Variants in ANK2 observed in about 807,000 individuals in gnomAD.
ANK2 encodes ankyrin-2.
A neutral mutation model predicts 360.5 loss-of-function variants in ANK2; 83 were observed. The observed-to-expected ratio is 0.23, with a 90% CI of 0.19 to 0.28. The LOEUF is 0.28. Ranked by LOEUF, ANK2 falls within the 10% of genes least tolerant of loss-of-function variation. The probability of loss-of-function intolerance (pLI) is 1.00; values close to 1 mark genes in which losing one functional copy is unlikely to be tolerated. For synonymous variants in ANK2, 1,740 were observed against 1,759.5 expected, an observed-to-expected ratio of 0.99 and a Z score of 0.28; for missense variants, 4,201 against 4,795.7, an observed-to-expected ratio of 0.88 and a Z score of 3.66.
chr4:112,814,156 T>C (rs77493535), upstream of ANK2, among the ~76,000 whole-genome samples: 149 of 152,348 alleles, frequency 9.8e-4, no homozygotes, highest in African/African-American at 3.3e-3. Flanking sequence ...CAGGCAGTTA[T>C]ATATCTTGCC....
the ANK2 span, among the ~76,000 whole-genome samples, chr4:112,719,854 G>A: frequency 9.9e-5 from 15 of 152,056 alleles, no homozygotes; most frequent in Non-Finnish European, 1.9e-4. Context: ...AGATAGAAAG[G>A]GAATATCAGA....
intron 1 of ANK2, among the ~76,000 whole-genome samples, chr4:113,057,914 A>G (rs2070936703): frequency 6.6e-6 from 1 of 152,136 alleles, no homozygotes; most frequent in African/African-American, 2.4e-5. Flanking sequence ...TGGTGATCAT[A>G]ATGTTATGCT....
At chr4:113,209,160 G>A (rs564782274) in intron 4 of ANK2, among the ~76,000 whole-genome samples, 1 of 152,000 alleles carries the variant, frequency 6.6e-6, no homozygotes, top group South Asian at 2.1e-4. Context: ...GAAAGAATAG[G>A]GGCCTGGAGC....
At chr4:112,818,877 A>T (rs148454543) in intron 1 of ANK2, among the ~76,000 whole-genome samples, 2 of 152,304 alleles carry the variant, frequency 1.3e-5, no homozygotes, top group East Asian at 3.9e-4. Context: ...AGAATGATGG[A>T]GTTCTTTCTC....
chr4:112,769,590 G>A, the ANK2 span, among the ~76,000 whole-genome samples: 3 of 152,176 alleles, frequency 2.0e-5, no homozygotes, highest in Non-Finnish European at 2.9e-5. Flanking sequence ...GCATAATTCC[G>A]AAGAATTTAA....
chr4:113,198,553 G>A (rs1020855194), intron 3 of ANK2, among the ~76,000 whole-genome samples: 2 of 152,074 alleles, frequency 1.3e-5, no homozygotes, highest in African/African-American at 4.8e-5. Context: ...AAGTGCCCCA[G>A]TAGCTGCAAA....
At chr4:113,150,510 G>A (rs2097025030) in intron 1 of ANK2, among the ~76,000 whole-genome samples, 1 of 152,202 alleles carries the variant, frequency 6.6e-6, no homozygotes, top group South Asian at 2.1e-4. Flanking sequence ...TGTGCCTTCA[G>A]TAAGCATGTA....
At chr4:113,339,187 A>T in intron 31 of ANK2, 39 bp from the exon 32 acceptor site, 1 of 1,507,010 alleles carries the variant, frequency 6.6e-7, no homozygotes, top group Non-Finnish European at 9.2e-7. Flanking sequence ...TAGAGTCTGG[A>T]GTTTTGCCTG....
intron 1 of ANK2, among the ~76,000 whole-genome samples, chr4:112,828,761 CA>C (rs2059013690): frequency 6.6e-6 from 1 of 152,190 alleles, no homozygotes; most frequent in African/African-American, 2.4e-5. Context: ...TGGAGGTTTG[CA>C]AACTATGTAT....
intron 4 of ANK2, among the ~76,000 whole-genome samples, chr4:113,224,963 ATT>A (rs200735684): frequency 0.012 from 1,846 of 150,000 alleles, 19 homozygotes; most frequent in Non-Finnish European, 0.02. Context: ...CATGCTAGTA[ATT>A]TCTCTTACTG....
chr4:113,125,366 T>G (rs2095602462), intron 1 of ANK2, among the ~76,000 whole-genome samples: 1 of 152,122 alleles, frequency 6.6e-6, no homozygotes, highest in African/African-American at 2.4e-5. Context: ...TGAAACAAAG[T>G]TTAGCCGATA....
the ANK2 span, among the ~76,000 whole-genome samples, chr4:112,793,289 C>G: frequency 6.6e-6 from 1 of 151,860 alleles, no homozygotes; most frequent in East Asian, 1.9e-4. Flanking sequence ...CACATGTACC[C>G]CATAAATTTG....
chr4:113,192,363 A>G (rs555701956), intron 2 of ANK2, among the ~76,000 whole-genome samples: 2 of 144,354 alleles, frequency 1.4e-5, no homozygotes, highest in South Asian at 4.3e-4. Context: ...ACACACACAG[A>G]CGTGTGTATA....
chr4:113,265,370 A>G (rs1051274597), intron 14 of ANK2, among the ~76,000 whole-genome samples: 2 of 152,198 alleles, frequency 1.3e-5, no homozygotes, highest in African/African-American at 4.8e-5. Flanking sequence ...ATTTCTTACC[A>G]CTTAAACCAA....
intron 1 of ANK2, among the ~76,000 whole-genome samples, chr4:113,123,474 T>C (rs1412847767): frequency 6.6e-6 from 1 of 152,190 alleles, no homozygotes; most frequent in Non-Finnish European, 1.5e-5. Context: ...AATAATTTCT[T>C]CTTTACAATA....
chr4:113,340,356 A>T (rs1052658583), intron 32 of ANK2, among the ~76,000 whole-genome samples: 2 of 152,218 alleles, frequency 1.3e-5, no homozygotes, highest in African/African-American at 4.8e-5. Context: ...GAGAAGGTGT[A>T]GTGGGGGATA....
intron 1 of ANK2, among the ~76,000 whole-genome samples, chr4:113,130,097 T>C (rs1416943463): frequency 1.3e-5 from 2 of 152,234 alleles, no homozygotes; most frequent in African/African-American, 4.8e-5. Flanking sequence ...AATTTATAAC[T>C]GAGACCTATT....
At chr4:112,985,473 T>A (rs1484438384) in intron 2 of ANK2, among the ~76,000 whole-genome samples, 1 of 152,212 alleles carries the variant, frequency 6.6e-6, no homozygotes, top group Non-Finnish European at 1.5e-5. Flanking sequence ...CTTCTGCATC[T>A]CTTTTGTGGG....
chr4:112,781,338 G>A, the ANK2 span, among the ~76,000 whole-genome samples: 1 of 152,112 alleles, frequency 6.6e-6, no homozygotes, highest in African/African-American at 2.4e-5. Flanking sequence ...GACCTCAGGT[G>A]ATCTGCCTAC....
Sources: gnomAD v4.1 joint callset for allele counts (sites outside exome capture counted in the v4.1 genomes callset) on GRCh38, gnomAD v4.1.1 for gene constraint, MANE v1.5 for transcripts, NCBI Gene and HGNC (gene_info 2026-07-23, HGNC 2026-07-21) for gene names.